SLIT3: variants seen among roughly 807,000 people sequenced by gnomAD.
SLIT3 encodes slit guidance ligand 3.
Under a neutral mutation model 184.0 loss-of-function variants are expected in SLIT3, and 68 were observed. The ratio of observed to expected loss-of-function variants is 0.37; its 90% CI spans 0.30 to 0.45. SLIT3 has a LOEUF of 0.45. SLIT3 is among the 20% of genes least tolerant of loss of function. The pLI is 1.00. For missense variants in SLIT3, 1,707 were observed against 2,026.0 expected (o/e 0.84, Z 3.02); for synonymous variants, 831 against 828.6 (o/e 1.00, Z -0.05).
chr5:169,196,727 C>G (rs1021710148), intron 3 of SLIT3, among the ~76,000 whole-genome samples: 1 of 152,162 alleles, frequency 6.6e-6, no homozygotes, highest in Non-Finnish European at 1.5e-5. Context: ...CTACTCAAAG[C>G]CTTTCAATAA....
intron 4 of SLIT3, among the ~76,000 whole-genome samples, chr5:169,192,964 C>G (rs1471349366): frequency 1.3e-5 from 2 of 152,170 alleles, no homozygotes; most frequent in African/African-American, 4.8e-5. Context: ...AAGCAAAATT[C>G]AACACATTTC....
At chr5:168,974,767 G>A (rs573591523) in intron 4 of SLIT3, among the ~76,000 whole-genome samples, 85 of 152,286 alleles carry the variant, frequency 5.6e-4, no homozygotes, top group South Asian at 1.2e-3. Flanking sequence ...AAGGCTCTCA[G>A]CCATGCCAAC....
chr5:168,839,186 C>T (rs938608186), intron 6 of SLIT3, among the ~76,000 whole-genome samples: 1 of 152,174 alleles, frequency 6.6e-6, no homozygotes. Flanking sequence ...CATCACTAAG[C>T]TCTCTCTGTG....
At chr5:168,819,460 GAGA>G (rs1034596462) in intron 7 of SLIT3, among the ~76,000 whole-genome samples, 11 of 152,206 alleles carry the variant, frequency 7.2e-5, no homozygotes, top group African/African-American at 2.7e-4. Flanking sequence ...TGTGTGCCGG[GAGA>G]AGCAGAACCT....
chr5:168,851,322 C>CAAA (rs531233116), intron 5 of SLIT3, among the ~76,000 whole-genome samples: 2,226 of 77,132 alleles, frequency 0.029, 50 homozygotes, highest in Middle Eastern at 0.045. Flanking sequence ...GACTCCGTCT[C>CAAA]AAAAAAAAAA....
intron 5 of SLIT3, among the ~76,000 whole-genome samples, chr5:168,870,932 C>T (rs1759492946): frequency 6.6e-6 from 1 of 152,164 alleles, no homozygotes; most frequent in African/African-American, 2.4e-5. Flanking sequence ...TGGTGACAGC[C>T]TGAGGGTGGT....
At chr5:168,720,526 C>T (rs1329902568) in intron 23 of SLIT3, 1 of 152,238 alleles carries the variant, frequency 6.6e-6, no homozygotes, top group African/African-American at 2.4e-5. Flanking sequence ...TGAACCCACA[C>T]ACGGAACTAT....
intron 4 of SLIT3, among the ~76,000 whole-genome samples, chr5:168,930,713 T>G (rs1425099746): frequency 2.0e-5 from 3 of 151,858 alleles, no homozygotes. Flanking sequence ...TGTCTAGAAA[T>G]AGGCCTGGAG....
At chr5:168,746,111 C>T (rs1429774239) in intron 20 of SLIT3, among the ~76,000 whole-genome samples, 1 of 152,194 alleles carries the variant, frequency 6.6e-6, no homozygotes, top group Non-Finnish European at 1.5e-5. Flanking sequence ...AACATTTGTG[C>T]GACTTGCTTC....
chr5:169,230,873 CAGTCACGAAAA>C (rs1188181838), intron 3 of SLIT3, among the ~76,000 whole-genome samples: 2 of 152,122 alleles, frequency 1.3e-5, no homozygotes, highest in African/African-American at 4.8e-5. Context: ...AAAAAGTTTT[CAGTCACGAAAA>C]TGGTCAAACT....
chr5:168,951,039 G>T (rs1463226349), intron 4 of SLIT3, among the ~76,000 whole-genome samples: 14 of 152,184 alleles, frequency 9.2e-5, no homozygotes, highest in Non-Finnish European at 1.9e-4. Flanking sequence ...TGGCAACATG[G>T]TGAAATCCCA....
chr5:168,830,522 G>T (rs1014739113), intron 6 of SLIT3, among the ~76,000 whole-genome samples: 1 of 152,200 alleles, frequency 6.6e-6, no homozygotes, highest in Non-Finnish European at 1.5e-5. Flanking sequence ...CAAGGATATC[G>T]CTTTGAAGCT....
chr5:168,860,893 C>T (rs1305635732), intron 5 of SLIT3, among the ~76,000 whole-genome samples: 1 of 152,230 alleles, frequency 6.6e-6, no homozygotes, highest in Non-Finnish European at 1.5e-5. Context: ...GACTCTGGTG[C>T]TTCCCCTGCG....
intron 4 of SLIT3, among the ~76,000 whole-genome samples, chr5:169,095,705 A>G (rs935641256): frequency 2.0e-5 from 3 of 152,112 alleles, no homozygotes; most frequent in South Asian, 2.1e-4. Context: ...CCTGCCTTCA[A>G]TGGGCCATAC....
At chr5:168,783,942 C>T (rs768935997) in intron 12 of SLIT3, among the ~76,000 whole-genome samples, 18 of 152,210 alleles carry the variant, frequency 1.2e-4, no homozygotes, top group South Asian at 8.3e-4. Context: ...GTTGCCTTCG[C>T]GACCCATGCA....
intron 7 of SLIT3, among the ~76,000 whole-genome samples, chr5:168,822,502 C>G (rs1005992979): frequency 6.6e-6 from 1 of 152,136 alleles, no homozygotes. Flanking sequence ...AGCCAAGTAT[C>G]AAGTCTGAAC....
intron 25 of SLIT3, among the ~76,000 whole-genome samples, chr5:168,709,610 A>T (rs1762484600): frequency 6.6e-6 from 1 of 152,332 alleles, no homozygotes; most frequent in South Asian, 2.1e-4. Flanking sequence ...AGGAAAATTA[A>T]AATTAGCTTT....
Position 169,275,820 on chromosome 5 carries a change from G to A in SLIT3, c.198-24361C>T, listed in dbSNP as rs189745061. 3.7e-4 allele frequency among the ~76,000 whole-genome samples: 56 copies of A among 152,268 alleles called. 1 individual carries two copies. In the East Asian group the frequency reaches 8.5e-3, roughly 23 times the overall value. ...TACAATTGAAGTTGAGATTTGAATGGGGACACAGCCAAACCATATCAGGGA... is the reference window on the plus strand; with the variant it reads ...TACAATTGAAGTTGAGATTTGAATGAGGACACAGCCAAACCATATCAGGGA... On this transcript the variant is annotated intron_variant, in intron 1 of 35. Transcript: ENST00000519560.
At chr5:169,256,807 T>C (rs1765975869) in intron 1 of SLIT3, among the ~76,000 whole-genome samples, 4 of 152,128 alleles carry the variant, frequency 2.6e-5, no homozygotes, top group African/African-American at 9.7e-5. Flanking sequence ...TCCCGAGTTA[T>C]TGTGGGAACG....
Sources: gnomAD v4.1 joint callset for allele counts (sites outside exome capture counted in the v4.1 genomes callset) on GRCh38, gnomAD v4.1.1 for gene constraint, MANE v1.5 for transcripts, NCBI Gene and HGNC (gene_info 2026-07-23, HGNC 2026-07-21) for gene names.